The following TIGD6 variants were observed in gnomAD, a reference collection of about 807,000 sequenced individuals.
The protein encoded by TIGD6 is tigger transposable element-derived protein 6.
Under a neutral mutation model 2.6 loss-of-function variants are expected in TIGD6, and 1 was observed. The ratio of observed to expected loss-of-function variants is 0.39; its 90% CI spans 0.14 to 1.85. The LOEUF (loss-of-function observed/expected upper bound fraction) is 1.85. Ranked by LOEUF, TIGD6 falls within the 40% of genes most tolerant of loss-of-function variation. The probability of loss-of-function intolerance (pLI) is 0.32; values close to 1 mark genes in which losing one functional copy is unlikely to be tolerated. For missense variants in TIGD6, 601 were observed against 634.2 expected (o/e 0.95, Z 0.56); for synonymous variants, 193 against 221.9 (o/e 0.87, Z 1.16).
intron 1 of TIGD6, 51 bp from the exon 2 acceptor site, chr5:149,996,480 A>C: frequency 1.5e-6 from 2 of 1,309,428 alleles, no homozygotes; most frequent in Non-Finnish European, 2.1e-6. Flanking sequence ...TTTCCCCTAA[A>C]AGATGGTTCA....
At position 149,996,752 on chromosome 5, in the gene TIGD6, C is replaced by T. The variant is rs532707387; in HGVS notation, c.-81-323G>A. Among the ~76,000 whole-genome samples the T allele has an allele frequency of 8.5e-4, 130 of 152,344 alleles. 1 individual carries two copies. The highest frequency in any genetic ancestry group is 3.7e-3 in the Admixed American group (56 of 15,308). On this transcript the variant is annotated intron_variant, in intron 1 of 1. Transcript: ENST00000296736. Reference sequence around the variant, plus strand: ...AAATAGCATTGCACTGTATACATTCCGAGTTATTCTCCAGCTTCTTTGATG... The same window carrying T: ...AAATAGCATTGCACTGTATACATTCTGAGTTATTCTCCAGCTTCTTTGATG...
At chr5:149,996,753 G>A (rs1207341502) in intron 1 of TIGD6, among the ~76,000 whole-genome samples, 1 of 152,224 alleles carries the variant, frequency 6.6e-6, no homozygotes. Context: ...TATACATTCC[G>A]AGTTATTCTC....
In TIGD6 at chr5:149,996,280, A is replaced by G; in HGVS notation, c.69T>C (p.Ala23=). Residue 23 remains alanine (A), a synonymous_variant, in exon 2 of 2, where the codon GCT becomes GCC. Transcript: ENST00000296736. ...SLEEKMKVVG[A]VDSGKRKGDV... ...CACCTTTCCTCTTGCCTGAGTCTAC[A>G]GCTCCCACAACTTTCATTTTCTCCT... The G allele has an allele frequency of 6.2e-7, 1 of 1,614,072 alleles. No individual in the cohort carries two copies. Among genetic ancestry groups the G allele is most frequent in the Non-Finnish European group, 8.5e-7 (1 of 1,180,022 alleles).
chr5:149,995,447 C>A lies in TIGD6; in HGVS notation c.902G>T (p.Gly301Val), dbSNP rs1184170420. ...AGCAGTACAGTTGGAGGGCAGATAC[C>A]CAACCTGAATCCTTTCCAAGTGTGG... ...MLPHLERIQV[G>V]YLPSNCTAVL... is the part of the protein sequence containing the mutation. The change falls in exon 2 of 2, where the codon GGG becomes GTG. Residue 301 changes from glycine (G) to valine (V), a missense_variant. By Grantham distance (109) the Gly-to-Val change is moderately radical (BLOSUM62 -3). Coordinates refer to ENST00000296736, the MANE Select transcript of TIGD6 (RefSeq NM_030953.4). 6.2e-7 allele frequency: 1 copy of A among 1,614,228 alleles called. No individual in the cohort carries two copies. The highest frequency in any genetic ancestry group is 1.7e-5 in the Admixed American group (1 of 60,022).
At position 149,993,939 on chromosome 5, in the gene TIGD6, CG is replaced by C. The variant is rs1755318175; in HGVS notation, c.*843del. The C allele has an allele frequency of 1.6e-5, 2 of 123,278 alleles. No individual in the cohort carries two copies. The highest frequency in any genetic ancestry group is 7.1e-5 in the Admixed American group (1 of 14,044). 7.6% of individuals were successfully genotyped at this position (123,278 alleles called of 1,614,324 possible). A position where few individuals can be genotyped will look rare whatever the true frequency, so the allele number is the denominator to read the frequency against. ...CTTTAAAAACAAACAAACAAACAAA[CG>C]AACGAACAAACAGAAGTCTTGTAGT... On this transcript the variant is annotated 3_prime_UTR_variant, in exon 2 of 2. Coordinates refer to ENST00000296736, the MANE Select transcript of TIGD6 (RefSeq NM_030953.4).
Position 149,996,139 on chromosome 5 carries a change from C to A in TIGD6, c.210G>T (p.Met70Ile), listed in dbSNP as rs753968631. 1 of 1,611,536 alleles carries A rather than the reference C, an allele frequency of 6.2e-7. No individual in the cohort carries two copies. The highest frequency in any genetic ancestry group is 1.1e-5 in the South Asian group (1 of 91,082). ...EASVGPQRKR[M>I]RSALYDDIDK... is the part of the protein sequence containing the mutation. ...CAATGTCATCATAAAGAGCGCTCCT[C>A]ATCCTTTTCCGCTGGGGTCCCACGG... is the stretch of plus-strand genomic sequence containing the variant. Residue 70 changes from methionine to isoleucine, a missense_variant, in exon 2 of 2, where the codon ATG becomes ATT. Met to Ile is a conservative substitution (Grantham distance 10). Coordinates refer to ENST00000296736, the MANE Select transcript of TIGD6 (RefSeq NM_030953.4).
rs1176752729 is a variant in TIGD6, at chr5:149,995,120, C to A, written c.1229G>T (p.Cys410Phe). 6.2e-7 allele frequency: 1 copy of A among 1,614,240 alleles called. No individual in the cohort carries two copies. The highest frequency in any genetic ancestry group is 2.2e-5 in the East Asian group (1 of 44,888). ...KLWHTVAIAT[C>F]VPNEVNFQDF... The stretch of plus-strand genomic sequence containing the variant: ...CTGGAAATTTACTTCATTTGGGACA[C>A]AGGTGGCAATAGCCACTGTGTGCCA... Residue 410 changes from cysteine (C) to phenylalanine (F), a missense_variant, in exon 2 of 2, where the codon TGT (cysteine) becomes TTT (phenylalanine). Physicochemically the swap from Cys to Phe is radical, Grantham distance 205 (BLOSUM62 -2). Coordinates refer to ENST00000296736, the MANE Select transcript of TIGD6 (RefSeq NM_030953.4).
intron 1 of TIGD6, among the ~76,000 whole-genome samples, chr5:149,999,396 C>T (rs183812886): frequency 5.7e-4 from 87 of 152,252 alleles, no homozygotes; most frequent in African/African-American, 2.0e-3. Context: ...GGAGAGATGA[C>T]TGCTGTGTAA....
Position 149,995,513 on chromosome 5 carries a change from A to ATCCG in TIGD6, c.832_835dup (p.Ile279ThrfsTer13), listed in dbSNP as rs1245450105. The ATCCG allele has an allele frequency of 8.1e-6, 13 of 1,614,240 alleles. No homozygotes were observed. The highest frequency in any genetic ancestry group is 9.3e-6 in the Non-Finnish European group (11 of 1,180,038). ...AGAGCAGTTGTCTATGAGCAAGAGG[A>ATCCG]TCCGGCGTTCCGCCCTCTTCATCCT... On this transcript the variant is annotated frameshift_variant, in exon 2 of 2. Transcript: ENST00000296736. LOFTEE classifies it low-confidence loss of function (END_TRUNC).
rs1405032955 is a variant in TIGD6, at chr5:150,000,589, T to G, written c.-197A>C. 3 of 154,670 alleles carry G rather than the reference T, an allele frequency of 1.9e-5. No individual in the cohort carries two copies. Among genetic ancestry groups the G allele is most frequent in the East Asian group, 3.9e-4 (2 of 5,166 alleles). 9.6% of individuals were successfully genotyped at this position (154,670 alleles called of 1,614,324 possible). A position where few individuals can be genotyped will look rare whatever the true frequency, so the allele number is the denominator to read the frequency against. ...GCCGGAAGCAGTCCGTTCGCCTTACTAGACCCGCTCCAAGCCTTTGAGCAG... is the reference window on the plus strand; with the variant it reads ...GCCGGAAGCAGTCCGTTCGCCTTACGAGACCCGCTCCAAGCCTTTGAGCAG... On this transcript the variant is annotated 5_prime_UTR_variant, in exon 1 of 2. Coordinates refer to ENST00000296736, the MANE Select transcript of TIGD6 (RefSeq NM_030953.4).
Position 149,994,926 on chromosome 5 carries a change from T to G in TIGD6, c.1423A>C (p.Lys475Gln). Residue 475 changes from lysine to glutamine, a missense_variant, in exon 2 of 2, where the codon AAA (lysine) becomes CAA (glutamine). Physicochemically the swap from Lys to Gln is moderately conservative, Grantham distance 53. Transcript: ENST00000296736. ...CAAGTGGAAAGGAACTGTCTAAGTT[T>G]CTGTACACTTGATATGGCTTCTGTG... The part of the protein sequence containing the change: ...TITEAISSVQ[K>Q]LRQFLSTCVD... 2.5e-6 allele frequency: 4 copies of G among 1,612,580 alleles called. No homozygotes were observed. The highest frequency in any genetic ancestry group is 1.7e-4 in the Middle Eastern group (1 of 6,060).
At chr5:149,997,553 C>CA (rs1317758268) in intron 1 of TIGD6, among the ~76,000 whole-genome samples, 30 of 149,850 alleles carry the variant, frequency 2.0e-4, no homozygotes, top group Middle Eastern at 3.4e-3. Context: ...ACAACAACAA[C>CA]AACAAAAAAC....
Position 149,995,467 on chromosome 5 carries a change from G to C in TIGD6, c.882C>G (p.His294Gln). Residue 294 changes from histidine to glutamine, a missense_variant, in exon 2 of 2, where the codon CAC (histidine) becomes CAG (glutamine). Physicochemically the swap from His to Gln is conservative, Grantham distance 24. Coordinates refer to ENST00000296736, the MANE Select transcript of TIGD6 (RefSeq NM_030953.4). ...GATACCCAACCTGAATCCTTTCCAA[G>C]TGTGGAAGCATGTTATGAGCAGAGC... The part of the protein sequence containing the change: ...DNCSAHNMLP[H>Q]LERIQVGYLP... 1.2e-6 allele frequency: 2 copies of C among 1,614,270 alleles called. No individual in the cohort carries two copies. Among genetic ancestry groups the C allele is most frequent in the South Asian group, 2.2e-5 (2 of 91,092 alleles).
At chr5:149,998,322 C>T (rs1018170640) in intron 1 of TIGD6, among the ~76,000 whole-genome samples, 2 of 152,058 alleles carry the variant, frequency 1.3e-5, no homozygotes, top group African/African-American at 4.8e-5. Context: ...CAGTCCCTCT[C>T]TGGGCCTATT....
In TIGD6 at chr5:149,996,150, G is replaced by A. The variant is rs115326018; in HGVS notation, c.199C>T (p.Arg67Trp). 1,046 of 1,610,020 alleles carry A rather than the reference G, an allele frequency of 6.5e-4. 7 individuals are homozygous for A. The African/African-American group carries it at 0.013, about 20-fold the overall frequency. ...TAAAGAGCGCTCCTCATCCTTTTCC[G>A]CTGGGGTCCCACGGATGCCTCCCGC... is the stretch of plus-strand genomic sequence containing the variant. Reference protein sequence around the residue: ...KVREASVGPQRKRMRSALYDD... With the variant: ...KVREASVGPQWKRMRSALYDD... The change falls in exon 2 of 2, where the codon CGG becomes TGG. Residue 67 changes from arginine to tryptophan, a missense_variant. Arg to Trp is a moderately radical substitution (Grantham distance 101). Transcript: ENST00000296736.
At chr5:150,000,329 G>A (rs1280141344) in intron 1 of TIGD6, 145 bp downstream of exon 1, 1 of 153,230 alleles carries the variant, frequency 6.5e-6, no homozygotes, top group East Asian at 1.9e-4. Context: ...GAATGAGAGG[G>A]AAAGACTGAG....
chr5:149,994,727 C>T lies in TIGD6; in HGVS notation c.*56G>A, dbSNP rs1487408278. 1.4e-6 allele frequency: 2 copies of T among 1,454,870 alleles called. No homozygotes were observed. The highest frequency in any genetic ancestry group is 2.8e-5 in the African/African-American group (2 of 70,820). 90.1% of individuals were successfully genotyped at this position (1,454,870 alleles called of 1,614,324 possible). On this transcript the variant is annotated 3_prime_UTR_variant, in exon 2 of 2. Coordinates refer to ENST00000296736, the MANE Select transcript of TIGD6 (RefSeq NM_030953.4). ...GCTTTACTTAAATTGGCTCAACAAC[C>T]TATCTAAAGAAATCTTTATTCTTGT...
chr5:149,995,956 G>T lies in TIGD6; in HGVS notation c.393C>A (p.His131Gln). Residue 131 changes from histidine (H) to glutamine (Q), a missense_variant, in exon 2 of 2, where the codon CAC becomes CAA. His to Gln is a conservative substitution (Grantham distance 24, BLOSUM62 0). Coordinates refer to ENST00000296736, the MANE Select transcript of TIGD6 (RefSeq NM_030953.4). ...VGWLNRFRDRHGIALKAVCRE... is the reference protein window; with the variant it reads ...VGWLNRFRDRQGIALKAVCRE... ...TACAGACTGCTTTCAAAGCAATTCC[G>T]TGGCGATCTCTAAATCTGTTCAGCC... is the stretch of plus-strand genomic sequence containing the variant. 1 of 1,612,252 alleles carries T rather than the reference G, an allele frequency of 6.2e-7. No individual in the cohort carries two copies. The highest frequency in any genetic ancestry group is 8.5e-7 in the Non-Finnish European group (1 of 1,180,026).
rs1755372422 is a variant in TIGD6, at chr5:149,995,851, C to G, written c.498G>C (p.Leu166=). The change falls in exon 2 of 2, where the codon CTG becomes CTC. Residue 166 remains leucine, a synonymous_variant. Coordinates refer to ENST00000296736, the MANE Select transcript of TIGD6 (RefSeq NM_030953.4). ...NEWHAGEIIK[L]IADYSPDDIF... is the part of the protein sequence containing the mutation. Reference sequence around the variant, plus strand: ...TATCATCTGGGCTGTAGTCAGCAATCAGTTTTATAATTTCCCCTGCATGCC... The same window carrying G: ...TATCATCTGGGCTGTAGTCAGCAATGAGTTTTATAATTTCCCCTGCATGCC... 6.2e-7 allele frequency: 1 copy of G among 1,614,096 alleles called. No individual in the cohort carries two copies. The highest frequency in any genetic ancestry group is 8.5e-7 in the Non-Finnish European group (1 of 1,180,042).
Sources: allele counts gnomAD v4.1 joint callset (sites outside exome capture counted in the v4.1 genomes callset), GRCh38; gene constraint gnomAD v4.1.1; transcripts MANE v1.5; gene names NCBI Gene and HGNC (gene_info 2026-07-23, HGNC 2026-07-21).